The following ENTPD6 variants were observed in gnomAD, a reference collection of about 807,000 sequenced individuals.
ENTPD6 encodes the protein ectonucleoside triphosphate diphosphohydrolase 6.
Under a neutral mutation model 61.5 loss-of-function variants are expected in ENTPD6, and 46 were observed. The ratio of observed to expected loss-of-function variants is 0.75; its 90% CI spans 0.59 to 0.96. ENTPD6 has a LOEUF of 0.96. ENTPD6 is among the 40% of genes least tolerant of loss of function. ENTPD6 has a pLI of 0.00. For missense variants in ENTPD6, 612 were observed against 629.0 expected (o/e 0.97, Z 0.29); for synonymous variants, 252 against 255.5 (o/e 0.99, Z 0.13).
chr20:25,208,948 G>A (rs865997699), intron 3 of ENTPD6, among the ~76,000 whole-genome samples: 19 of 151,582 alleles, frequency 1.3e-4, no homozygotes, highest in Non-Finnish European at 2.2e-4. Context: ...ACGGAGTCTC[G>A]CTCTGCTGCC....
chr20:25,211,400 G>A (rs764625855), intron 4 of ENTPD6, among the ~76,000 whole-genome samples: 1 of 152,172 alleles, frequency 6.6e-6, no homozygotes, highest in African/African-American at 2.4e-5. Context: ...AAATGTCCAC[G>A]CTCCCCAGGG....
In ENTPD6 at chr20:25,202,370, T is replaced by G. The variant is rs181744523; in HGVS notation, c.-15-4152T>G. 1.6e-4 allele frequency among the ~76,000 whole-genome samples: 24 copies of G among 152,356 alleles called. No homozygotes were observed. The East Asian group carries it at 4.6e-3, about 29-fold the overall frequency. Reference sequence around the variant, plus strand: ...AATCTGTGTCTCTTGATTAAGGAGTTAATCCATTTATATTTAAAGTAATTA... The same window carrying G: ...AATCTGTGTCTCTTGATTAAGGAGTGAATCCATTTATATTTAAAGTAATTA... On this transcript the variant is annotated intron_variant, in intron 1 of 14. Transcript: ENST00000376652.
intron 11 of ENTPD6, chr20:25,221,713 TC>T (rs2092639023): frequency 2.9e-6 from 1 of 345,062 alleles, no homozygotes; most frequent in Non-Finnish European, 5.7e-6. Flanking sequence ...CTTCCACCCA[TC>T]CTGCTCGAGG....
Position 25,213,401 on chromosome 20 carries a change from C to A in ENTPD6, c.592C>A (p.Gln198Lys), listed in dbSNP as rs1328272061. The A allele has an allele frequency of 1.2e-6, 2 of 1,606,298 alleles. No homozygotes were observed. Among genetic ancestry groups the A allele is most frequent in the Middle Eastern group, 1.7e-4 (1 of 5,994 alleles). ...LPGEKAQKLLQKVKKVFKASP... is the reference protein window; with the variant it reads ...LPGEKAQKLLKKVKKVFKASP... ...TGGAGAAAAGGCCCAGAAGTTACTG[C>A]AGAAGGTGAGCCTGGCCATTCCCCA... The change falls in exon 5 of 15, where the codon CAG (glutamine) becomes AAG (lysine). Residue 198 changes from glutamine to lysine, a missense_variant. Coordinates refer to ENST00000376652, the MANE Select transcript of ENTPD6 (RefSeq NM_001247.5).
At chr20:25,206,425 G>A (rs969809377) in intron 1 of ENTPD6, 97 bp from the exon 2 acceptor site, 13 of 942,804 alleles carry the variant, frequency 1.4e-5, no homozygotes, top group East Asian at 2.5e-5. Context: ...TGGGTATATC[G>A]AACCAAAAAC....
intron 6 of ENTPD6, 27 bp downstream of exon 6, chr20:25,214,969 A>G: frequency 6.6e-7 from 1 of 1,511,674 alleles, no homozygotes; most frequent in Admixed American, 1.7e-5. Flanking sequence ...ACCTCTGTAC[A>G]GTGGGGCTGT....
chr20:25,225,397 T>G lies in ENTPD6; in HGVS notation c.1356+80T>G, dbSNP rs1230572142. On this transcript the variant is annotated intron_variant, in intron 14 of 14. Coordinates refer to ENST00000376652, the MANE Select transcript of ENTPD6 (RefSeq NM_001247.5). Reference sequence around the variant, plus strand: ...ACCACTTCTCCAGTTGCTGGGGTCATGTCCCCCAGCCCATCCCTGGCTTCC... The same window carrying G: ...ACCACTTCTCCAGTTGCTGGGGTCAGGTCCCCCAGCCCATCCCTGGCTTCC... 3.2e-6 allele frequency: 5 copies of G among 1,582,984 alleles called. No individual in the cohort carries two copies. The African/African-American group carries it at 6.7e-5, about 21-fold the overall frequency.
At chr20:25,224,712 T>A (rs1393515374) in intron 13 of ENTPD6, 3 of 160,124 alleles carry the variant, frequency 1.9e-5, no homozygotes, top group African/African-American at 7.2e-5. Flanking sequence ...GTGGCTTTTT[T>A]AAAGCTTTTG....
intron 2 of ENTPD6, 89 bp downstream of exon 2, chr20:25,206,679 T>C: frequency 2.1e-6 from 2 of 956,906 alleles, no homozygotes; most frequent in Non-Finnish European, 3.4e-6. Flanking sequence ...TAACTGAGGA[T>C]TGAAAGACTG....
At chr20:25,200,358 C>T (rs1285772877) in intron 1 of ENTPD6, among the ~76,000 whole-genome samples, 1 of 152,006 alleles carries the variant, frequency 6.6e-6, no homozygotes, top group Non-Finnish European at 1.5e-5. Flanking sequence ...TACCTGTTTT[C>T]TCCTGTTCTG....
rs959705782 is a variant in ENTPD6, at chr20:25,206,481, T to C, written c.-15-41T>C. On this transcript the variant is annotated intron_variant, in intron 1 of 14. Coordinates refer to ENST00000376652, the MANE Select transcript of ENTPD6 (RefSeq NM_001247.5). Reference sequence around the variant, plus strand: ...TTTTGCTACTCTAGTAGAATTTTTGTAGGCTTTGGAAGTACACAGACATTA... The same window carrying C: ...TTTTGCTACTCTAGTAGAATTTTTGCAGGCTTTGGAAGTACACAGACATTA... 3 of 1,504,238 alleles carry C rather than the reference T, an allele frequency of 2.0e-6. No individual in the cohort carries two copies. In the Admixed American group the frequency reaches 5.1e-5, roughly 25 times the overall value. 93.2% of individuals were successfully genotyped at this position (1,504,238 alleles called of 1,614,324 possible).
intron 1 of ENTPD6, 124 bp downstream of exon 1, chr20:25,195,991 A>G (rs1008341573): frequency 1.1e-6 from 1 of 887,292 alleles, no homozygotes; most frequent in Non-Finnish European, 1.5e-6. Flanking sequence ...CCCGGGTCCC[A>G]CCTCCTGCTG....
intron 1 of ENTPD6, among the ~76,000 whole-genome samples, chr20:25,204,833 A>G (rs1334899459): frequency 6.6e-6 from 1 of 152,124 alleles, no homozygotes; most frequent in Non-Finnish European, 1.5e-5. Flanking sequence ...GAAACACCTC[A>G]GAGTTCCTGA....
chr20:25,200,671 C>T (rs1227750980), intron 1 of ENTPD6, among the ~76,000 whole-genome samples: 1 of 152,018 alleles, frequency 6.6e-6, no homozygotes. Context: ...CTATTTGAGT[C>T]TTCTTTCTTT....
chr20:25,195,932 C>T (rs1249096629), intron 1 of ENTPD6, 65 bp downstream of exon 1: 2 of 1,189,204 alleles, frequency 1.7e-6, no homozygotes, highest in Non-Finnish European at 2.1e-6. Context: ...CGGGCCTCCC[C>T]CACGCGGGCG....
chr20:25,212,062 G>A (rs545711186), intron 4 of ENTPD6, among the ~76,000 whole-genome samples: 10 of 152,178 alleles, frequency 6.6e-5, no homozygotes, highest in South Asian at 2.1e-4. Flanking sequence ...CTGCCACCTC[G>A]GCCTCCCAAG....
chr20:25,221,844 C>T (rs941868494), intron 11 of ENTPD6: 4 of 232,418 alleles, frequency 1.7e-5, no homozygotes, highest in Admixed American at 5.2e-5. Context: ...TGCATGCCTT[C>T]GCGAACCGTT....
At chr20:25,196,996 G>T (rs1407465894) in intron 1 of ENTPD6, 5 of 619,856 alleles carry the variant, frequency 8.1e-6, no homozygotes, top group Non-Finnish European at 8.1e-6. Context: ...ACAGCAGGTG[G>T]TGTTGACGGG....
In ENTPD6 at chr20:25,225,650, C is replaced by G. The variant is rs2092780097; in HGVS notation, c.*53C>G. 5.4e-6 allele frequency: 8 copies of G among 1,479,986 alleles called. No individual in the cohort carries two copies. The highest frequency in any genetic ancestry group is 7.5e-6 in the Non-Finnish European group (8 of 1,067,344). The allele number at this position is 1,479,986 out of a possible 1,614,324, so 91.7% of individuals were successfully genotyped here. ...CAGTGTCTGTGTGTCTGCATAAACC[C>G]TCCTGTCCTGGACGTGACTTCATCC... On this transcript the variant is annotated 3_prime_UTR_variant, in exon 15 of 15. Transcript: ENST00000376652.
Sources: gnomAD v4.1 joint callset for allele counts (sites outside exome capture counted in the v4.1 genomes callset) on GRCh38, gnomAD v4.1.1 for gene constraint, MANE v1.5 for transcripts, NCBI Gene and HGNC (gene_info 2026-07-23, HGNC 2026-07-21) for gene names.